Variants in ZNF83 observed in about 807,000 individuals in gnomAD.
ZNF83 encodes the protein zinc finger protein 83.
For missense variants in ZNF83, 552 were observed against 629.9 expected, an observed-to-expected ratio of 0.88 and a Z score of 1.32; for synonymous variants, 209 against 213.0, an observed-to-expected ratio of 0.98 and a Z score of 0.17.
chr19:52,635,406 G>A (rs12460668), intron 1 of ZNF83: 87,317 of 232,678 alleles, frequency 0.38, 16,583 homozygotes, highest in African/African-American at 0.43. Flanking sequence ...TCTTCAGGGC[G>A]CAGACCCAGC....
At chr19:52,658,970 G>A (rs910355165) in intron 2 of ZNF83, among the ~76,000 whole-genome samples, 1 of 152,138 alleles carries the variant, frequency 6.6e-6, no homozygotes, top group Admixed American at 6.5e-5. Context: ...TGGAGTGCGA[G>A]CTGCTCAGGG....
intron 2 of ZNF83, among the ~76,000 whole-genome samples, chr19:52,622,517 C>G (rs1025399959): frequency 2.6e-5 from 4 of 152,254 alleles, no homozygotes; most frequent in Non-Finnish European, 5.9e-5. Context: ...AAGAAGATCC[C>G]TAATGGGAAT....
At chr19:52,654,381 C>G in intron 3 of ZNF83, 1 of 1,168,274 alleles carries the variant, frequency 8.6e-7, no homozygotes, top group Admixed American at 2.4e-5. Context: ...ATGAGAACTC[C>G]GTCATGGATT....
At chr19:52,646,708 TC>T (rs2061376942) in intron 3 of ZNF83, among the ~76,000 whole-genome samples, 2 of 152,180 alleles carry the variant, frequency 1.3e-5, no homozygotes, top group African/African-American at 4.8e-5. Context: ...ACTGGATACA[TC>T]CCCCCCAACT....
exon 3 of ZNF83, chr19:52,613,053 C>T (rs2060155820): frequency 1.2e-6 from 2 of 1,607,068 alleles, no homozygotes; most frequent in Non-Finnish European, 1.7e-6. Context: ...CATGAAATCT[C>T]TGATGACGTA....
Position 52,666,496 on chromosome 19 carries a change from G to A in ZNF83, c.-282-5653C>T, listed in dbSNP as rs140403968. 6.2e-4 allele frequency among the ~76,000 whole-genome samples: 94 copies of A among 151,902 alleles called. No homozygotes were observed. The East Asian group carries it at 0.01, about 17-fold the overall frequency. ...AAAAATCCTTAACCCAGTAAACCGCGGATGGCCCAAATGCATTCAATCTGT... is the reference window on the plus strand; with the variant it reads ...AAAAATCCTTAACCCAGTAAACCGCAGATGGCCCAAATGCATTCAATCTGT... On this transcript the variant is annotated intron_variant, in intron 1 of 5. Coordinates refer to the ZNF83 transcript ENST00000594682.
chr19:52,649,721 C>A (rs1257550060), intron 3 of ZNF83, among the ~76,000 whole-genome samples: 1 of 152,070 alleles, frequency 6.6e-6, no homozygotes, highest in African/African-American at 2.4e-5. Context: ...CCCTAGCAGG[C>A]AAGAAATGTT....
intron 1 of ZNF83, among the ~76,000 whole-genome samples, chr19:52,683,773 G>A (rs2061967507): frequency 6.6e-6 from 1 of 152,144 alleles, no homozygotes. Context: ...ATTTCCAGAA[G>A]AAATGTGGGA....
chr19:52,667,087 G>A (rs1366718150), intron 1 of ZNF83, among the ~76,000 whole-genome samples: 1 of 152,056 alleles, frequency 6.6e-6, no homozygotes, highest in Admixed American at 6.6e-5. Flanking sequence ...AACTTACAAC[G>A]TTTTCAACGA....
At chr19:52,645,333 A>G (rs568266507) in intron 3 of ZNF83, among the ~76,000 whole-genome samples, 1 of 152,308 alleles carries the variant, frequency 6.6e-6, no homozygotes, top group South Asian at 2.1e-4. Flanking sequence ...CTCGATTTGA[A>G]CCAGACACAA....
At chr19:52,625,117 C>G (rs1240202613) in intron 2 of ZNF83, among the ~76,000 whole-genome samples, 1 of 152,072 alleles carries the variant, frequency 6.6e-6, no homozygotes, top group East Asian at 1.9e-4. Context: ...CGCCACTCAC[C>G]AGCAAAGGCA....
intron 2 of ZNF83, among the ~76,000 whole-genome samples, chr19:52,615,086 A>AT (rs915137939): frequency 2.6e-5 from 4 of 152,116 alleles, no homozygotes; most frequent in Admixed American, 6.6e-5. Context: ...CAAAATTGAG[A>AT]TTTTTTCCAA....
At chr19:52,655,386 T>C (rs1240939158) in intron 3 of ZNF83, 1 of 638,914 alleles carries the variant, frequency 1.6e-6, no homozygotes, top group East Asian at 2.8e-5. Flanking sequence ...AACCACTCCA[T>C]AGGATAGTCT....
intron 3 of ZNF83, chr19:52,653,980 G>C: frequency 1.4e-6 from 2 of 1,401,722 alleles, no homozygotes; most frequent in Non-Finnish European, 2.0e-6. Flanking sequence ...ATACCTATTA[G>C]AAATATGGGT....
intron 1 of ZNF83, among the ~76,000 whole-genome samples, chr19:52,668,881 A>C (rs1223128731): frequency 1.3e-5 from 2 of 151,894 alleles, no homozygotes; most frequent in Admixed American, 6.5e-5. Context: ...AAGTTATGCC[A>C]AGCTCTCTCT....
intron 1 of ZNF83, among the ~76,000 whole-genome samples, chr19:52,685,048 C>T (rs958846980): frequency 5.9e-5 from 9 of 152,216 alleles, no homozygotes; most frequent in Non-Finnish European, 1.0e-4. Flanking sequence ...GTCTACCGCT[C>T]TGTTTCTTCC....
At chr19:52,631,168 G>C (rs926317445) in intron 2 of ZNF83, among the ~76,000 whole-genome samples, 1 of 148,126 alleles carries the variant, frequency 6.8e-6, no homozygotes, top group African/African-American at 2.5e-5. Context: ...CATTACTTCA[G>C]TCAAGCCCAA....
At chr19:52,652,635 A>G (rs771794142) in intron 3 of ZNF83, 3 of 491,146 alleles carry the variant, frequency 6.1e-6, no homozygotes, top group Non-Finnish European at 8.1e-6. Context: ...CACATTTACT[A>G]CACTTGTAAG....
chr19:52,654,159 C>A (rs2061477892), intron 3 of ZNF83: 3 of 1,604,800 alleles, frequency 1.9e-6, no homozygotes, highest in African/African-American at 1.3e-5. Context: ...TTCCAGCATG[C>A]CTTTGATCAC....
Sources: allele counts gnomAD v4.1 joint callset (sites outside exome capture counted in the v4.1 genomes callset), GRCh38; gene constraint gnomAD v4.1.1; transcripts MANE v1.5; gene names NCBI Gene and HGNC (gene_info 2026-07-23, HGNC 2026-07-21).